FRY: variants seen among roughly 807,000 people sequenced by gnomAD.
FRY encodes the protein FRY microtubule binding protein.
FRY carries 128 observed loss-of-function variants against 348.4 expected under a neutral mutation model. The observed-to-expected ratio is 0.37, with a 90% CI of 0.32 to 0.43. The LOEUF is 0.43. Ranked by LOEUF, FRY falls within the 20% of genes least tolerant of loss-of-function variation. The pLI is 1.00. For missense variants in FRY, 2,736 were observed against 3,695.2 expected (o/e 0.74, Z 6.73); for synonymous variants, 1,370 against 1,374.7 (o/e 1.00, Z 0.08).
intron 51 of FRY, 43 bp downstream of exon 51, chr13:32,254,437 C>T (rs761748658): frequency 1.3e-6 from 2 of 1,521,342 alleles, no homozygotes; most frequent in Non-Finnish European, 1.8e-6. Context: ...CACCCTTTTC[C>T]TTGACTAATG....
intron 47 of FRY, 23 bp from the exon 48 acceptor site, chr13:32,247,300 C>A: frequency 6.3e-7 from 1 of 1,591,368 alleles, no homozygotes; most frequent in Non-Finnish European, 8.6e-7. Context: ...ATTTTTAACC[C>A]TTGAATGTTT....
intron 17 of FRY, among the ~76,000 whole-genome samples, chr13:32,167,232 G>A (rs1265992465): frequency 6.6e-6 from 1 of 152,168 alleles, no homozygotes; most frequent in Admixed American, 6.5e-5. Context: ...CTGTAACAAA[G>A]TGTCACAAAA....
chr13:32,265,671 G>A, intron 54 of FRY, 55 bp downstream of exon 54: 1 of 1,516,592 alleles, frequency 6.6e-7, no homozygotes. Context: ...TACATTATAT[G>A]GCATTCACAC....
chr13:32,191,575 A>G (rs1266827770), intron 28 of FRY, among the ~76,000 whole-genome samples: 5 of 152,212 alleles, frequency 3.3e-5, no homozygotes, highest in Non-Finnish European at 5.9e-5. Context: ...TCAGGCAGCT[A>G]TAACAAAATA....
intron 7 of FRY, among the ~76,000 whole-genome samples, chr13:32,130,490 A>G (rs76087965): frequency 0.024 from 1,474 of 61,002 alleles, 15 homozygotes; most frequent in African/African-American, 0.082. Context: ...GTGTGTGTGT[A>G]TTTTTTGGTG....
chr13:32,268,546 T>G (rs1888062213), intron 55 of FRY, among the ~76,000 whole-genome samples: 1 of 132,390 alleles, frequency 7.6e-6, no homozygotes, highest in South Asian at 2.4e-4. Flanking sequence ...ATATCTAGAT[T>G]AGTATTCCTT....
intron 15 of FRY, among the ~76,000 whole-genome samples, 173 bp from the exon 16 acceptor site, chr13:32,157,100 T>A (rs1160144384): frequency 6.6e-6 from 1 of 152,244 alleles, no homozygotes; most frequent in East Asian, 1.9e-4. Context: ...ACTTACTAAG[T>A]GCAAGGCACT....
In FRY at chr13:32,147,322, T is replaced by G; in HGVS notation, c.1220T>G (p.Leu407Arg). The G allele has an allele frequency of 6.2e-7, 1 of 1,612,628 alleles. No individual in the cohort carries two copies. Among genetic ancestry groups the G allele is most frequent in the Non-Finnish European group, 8.5e-7 (1 of 1,178,632 alleles). The change falls in exon 12 of 61, where the codon CTC becomes CGC. Residue 407 changes from leucine to arginine, a missense_variant. By Grantham distance (102) the Leu-to-Arg change is moderately radical. Transcript: ENST00000542859. ...PKMARVALESLYRLLWVYMIR... is the reference protein window; with the variant it reads ...PKMARVALESRYRLLWVYMIR... ...ATGGCTCGAGTTGCACTGGAATCTCTCTACAGATTACTTTGGGTTTACATG... is the reference window on the plus strand; with the variant it reads ...ATGGCTCGAGTTGCACTGGAATCTCGCTACAGATTACTTTGGGTTTACATG...
At chr13:32,273,423 C>T (rs368906266) in intron 55 of FRY, among the ~76,000 whole-genome samples, 39 of 152,042 alleles carry the variant, frequency 2.6e-4, no homozygotes, top group African/African-American at 8.7e-4. Context: ...GGGGTTTCAC[C>T]GTGTTAGCCA....
chr13:32,099,905 C>T (rs982303722), intron 2 of FRY, among the ~76,000 whole-genome samples: 1 of 151,812 alleles, frequency 6.6e-6, no homozygotes, highest in Non-Finnish European at 1.5e-5. Flanking sequence ...CTGTAGTAGA[C>T]TCTTGTTACT....
chr13:32,114,773 G>A (rs543257120), intron 3 of FRY, among the ~76,000 whole-genome samples: 31 of 152,222 alleles, frequency 2.0e-4, no homozygotes, highest in African/African-American at 7.0e-4. Context: ...TGGTGACTTC[G>A]GAAAGTAAAT....
At chr13:32,081,622 G>T (rs1037292594) in intron 2 of FRY, among the ~76,000 whole-genome samples, 2 of 152,148 alleles carry the variant, frequency 1.3e-5, no homozygotes, top group Admixed American at 1.3e-4. Flanking sequence ...ACTACCTCTG[G>T]CCTTTTTATT....
At chr13:32,045,266 T>C (rs1872961894) in intron 1 of FRY, among the ~76,000 whole-genome samples, 1 of 152,182 alleles carries the variant, frequency 6.6e-6, no homozygotes, top group South Asian at 2.1e-4. Context: ...AAATTGCTGC[T>C]AAAACTTGTC....
chr13:32,268,486 T>TAAAAAA (rs1163691921), intron 55 of FRY, among the ~76,000 whole-genome samples: 40 of 61,022 alleles, frequency 6.6e-4, no homozygotes, highest in African/African-American at 2.3e-3. Context: ...AAAGCTAGTT[T>TAAAAAA]AAAAAAAAAA....
At chr13:32,124,921 C>T (rs1369261320) in intron 7 of FRY, 46 bp downstream of exon 7, 8 of 1,349,570 alleles carry the variant, frequency 5.9e-6, no homozygotes, top group African/African-American at 2.9e-5. Context: ...TGCGTGCTTT[C>T]ACTGTCCTTC....
chr13:32,215,646 T>C (rs1285013337), intron 35 of FRY, among the ~76,000 whole-genome samples: 1 of 152,230 alleles, frequency 6.6e-6, no homozygotes, highest in Non-Finnish European at 1.5e-5. Context: ...CACAGCTTAC[T>C]GCGGGCTCAG....
At chr13:32,278,611 TACCC>T (rs1288550995) in intron 58 of FRY, 63 bp downstream of exon 58, 1 of 914,548 alleles carries the variant, frequency 1.1e-6, no homozygotes, top group Non-Finnish European at 1.8e-6. Flanking sequence ...AGTTTTGGTC[TACCC>T]AAGAAGCCTG....
At position 32,239,919 on chromosome 13, in the gene FRY, A is replaced by G. The variant is rs1426057797; in HGVS notation, c.6687+38A>G. The G allele has an allele frequency of 5.1e-6, 8 of 1,570,456 alleles. No individual in the cohort carries two copies. In the Admixed American group the frequency reaches 6.8e-5, roughly 13 times the overall value. ...TTTTTGTTTTTTGAGACAGGGTCTC[A>G]TTATGTTGCCCAGGCTGATCTCAAC... On this transcript the variant is annotated intron_variant, in intron 46 of 60. Coordinates refer to ENST00000542859, the MANE Select transcript of FRY (RefSeq NM_023037.3). The surrounding 1 kb of genome is among the most constrained non-coding windows in gnomAD (Gnocchi z 4.3).
chr13:32,272,815 A>G (rs368835471), intron 55 of FRY, among the ~76,000 whole-genome samples: 1 of 152,036 alleles, frequency 6.6e-6, no homozygotes, highest in African/African-American at 2.4e-5. Context: ...GGCTCACTGC[A>G]ACCTCCACCT....
Sources: allele counts gnomAD v4.1 joint callset (sites outside exome capture counted in the v4.1 genomes callset), GRCh38; gene constraint gnomAD v4.1.1; non-coding constraint Gnocchi (gnomAD v3.1); transcripts MANE v1.5; gene names NCBI Gene and HGNC (gene_info 2026-07-23, HGNC 2026-07-21).